The following LINGO1 variants were observed in gnomAD, a reference collection of about 807,000 sequenced individuals.
The protein encoded by LINGO1 is leucine-rich repeat and immunoglobulin-like domain-containing nogo receptor-interacting protein 1.
A neutral mutation model predicts 37.3 loss-of-function variants in LINGO1; 11 were observed. That is an observed-to-expected ratio of 0.29 (90% CI 0.19 to 0.49). LINGO1 has a LOEUF of 0.49. LINGO1 is among the 20% of genes least tolerant of loss of function. LINGO1 has a pLI of 0.99. For missense variants in LINGO1, 585 were observed against 878.2 expected (o/e 0.67, Z 4.22); for synonymous variants, 387 against 403.0 (o/e 0.96, Z 0.48).
At chr15:77,751,179 C>T (rs1425791982) in intron 1 of LINGO1, among the ~76,000 whole-genome samples, 1 of 151,778 alleles carries the variant, frequency 6.6e-6, no homozygotes, top group Non-Finnish European at 1.5e-5. Flanking sequence ...TTTACTCATG[C>T]TATGCCCTCA....
intron 3 of LINGO1, among the ~76,000 whole-genome samples, chr15:77,654,352 G>A (rs2074823927): frequency 6.6e-6 from 1 of 152,188 alleles, no homozygotes; most frequent in South Asian, 2.1e-4. Context: ...GCTCAGAAAG[G>A]TCCAGAAATT....
At chr15:77,643,779 G>T (rs1407180809) in intron 3 of LINGO1, among the ~76,000 whole-genome samples, 1 of 152,206 alleles carries the variant, frequency 6.6e-6, no homozygotes, top group African/African-American at 2.4e-5. Context: ...CCCGAGTCTG[G>T]TGCCACCTCC....
intron 1 of LINGO1, among the ~76,000 whole-genome samples, chr15:77,759,227 C>T (rs2076450563): frequency 6.6e-6 from 1 of 152,232 alleles, no homozygotes; most frequent in Admixed American, 6.5e-5. Flanking sequence ...CTTCCCCTTC[C>T]TTCACTGGCC....
chr15:77,643,291 C>G lies in LINGO1; in HGVS notation c.-12-27391G>C, dbSNP rs1011039826. ...GTGTGGGCTGGACTAGGCAGGAGAG[C>G]AGGGCTGTCCACAGGATCAGGGGAG... On this transcript the variant is annotated intron_variant, in intron 3 of 3. Coordinates refer to the LINGO1 transcript ENST00000559893. 3.3e-5 allele frequency among the ~76,000 whole-genome samples: 5 copies of G among 152,182 alleles called. No individual in the cohort carries two copies. The East Asian group carries it at 7.7e-4, about 24-fold the overall frequency.
At chr15:77,740,457 T>A (rs2076251664) in intron 1 of LINGO1, among the ~76,000 whole-genome samples, 1 of 152,144 alleles carries the variant, frequency 6.6e-6, no homozygotes, top group Non-Finnish European at 1.5e-5. Flanking sequence ...GTTGCCTCAG[T>A]GGCTCCACGC....
chr15:77,629,356 C>T (rs532845647), intron 1 of LINGO1, among the ~76,000 whole-genome samples: 3 of 152,174 alleles, frequency 2.0e-5, no homozygotes, highest in South Asian at 4.1e-4. Context: ...ATCAAGAATG[C>T]CTTAAATGTA....
chr15:77,633,641 C>T (rs1428714305), upstream of LINGO1, among the ~76,000 whole-genome samples: 1 of 152,208 alleles, frequency 6.6e-6, no homozygotes, highest in African/African-American at 2.4e-5. Context: ...TGGCCCGCTC[C>T]GTCCGGAGGC....
intron 1 of LINGO1, among the ~76,000 whole-genome samples, chr15:77,762,787 C>T (rs2076490336): frequency 6.6e-6 from 1 of 152,186 alleles, no homozygotes; most frequent in Non-Finnish European, 1.5e-5. Context: ...ACCACTTCCT[C>T]TTTGGGACCA....
At chr15:77,811,383 C>T (rs2077004748) in intron 1 of LINGO1, among the ~76,000 whole-genome samples, 1 of 152,198 alleles carries the variant, frequency 6.6e-6, no homozygotes, top group South Asian at 2.1e-4. Flanking sequence ...CAGCCTAAGC[C>T]AGAGGAACCT....
At chr15:77,784,923 C>G (rs2076756459) in intron 1 of LINGO1, 1 of 152,216 alleles carries the variant, frequency 6.6e-6, no homozygotes, top group South Asian at 2.1e-4. Context: ...AGACTGCATA[C>G]TTGGGTATAG....
At chr15:77,805,493 G>C (rs1484957875) in intron 1 of LINGO1, among the ~76,000 whole-genome samples, 1 of 152,228 alleles carries the variant, frequency 6.6e-6, no homozygotes, top group Non-Finnish European at 1.5e-5. Context: ...GCCTAGCTGG[G>C]CCTGCCGTGG....
chr15:77,635,506 G>T (rs896286401), upstream of LINGO1, among the ~76,000 whole-genome samples: 1 of 152,094 alleles, frequency 6.6e-6, no homozygotes, highest in Non-Finnish European at 1.5e-5. Flanking sequence ...TCCTCTCAGG[G>T]GTCCCAGGGC....
intron 1 of LINGO1, among the ~76,000 whole-genome samples, chr15:77,811,287 G>C (rs1051978600): frequency 6.6e-6 from 1 of 152,148 alleles, no homozygotes; most frequent in African/African-American, 2.4e-5. Context: ...TTTTCCTGAC[G>C]CTGCAGTTCC....
chr15:77,691,498 C>G (rs2141251169), intron 1 of LINGO1, among the ~76,000 whole-genome samples: 1 of 112,730 alleles, frequency 8.9e-6, no homozygotes, highest in Middle Eastern at 4.9e-3. Flanking sequence ...AGGGATGTCC[C>G]TGGGGAAGGG....
upstream of LINGO1, among the ~76,000 whole-genome samples, chr15:77,697,246 AT>A (rs1318526641): frequency 6.6e-6 from 1 of 152,170 alleles, no homozygotes; most frequent in East Asian, 1.9e-4. Flanking sequence ...GTGTCAGATG[AT>A]GGTGGCAGGG....
chr15:77,728,854 A>C (rs187307684), intron 2 of LINGO1, among the ~76,000 whole-genome samples: 44 of 152,390 alleles, frequency 2.9e-4, no homozygotes, highest in Middle Eastern at 6.8e-3. Flanking sequence ...GATTAAATAA[A>C]TAACTATTTG....
intron 1 of LINGO1, among the ~76,000 whole-genome samples, chr15:77,774,175 TAGAGG>T (rs2076613573): frequency 6.6e-6 from 1 of 152,052 alleles, no homozygotes; most frequent in African/African-American, 2.4e-5. Context: ...GGGCACAGCC[TAGAGG>T]GTGGTGAGTG....
intron 2 of LINGO1, among the ~76,000 whole-genome samples, chr15:77,718,893 G>A (rs769890746): frequency 2.0e-5 from 3 of 150,740 alleles, no homozygotes; most frequent in Non-Finnish European, 3.0e-5. Flanking sequence ...GTGGTAGGGC[G>A]AGAAGAAGCT....
upstream of LINGO1, among the ~76,000 whole-genome samples, chr15:77,697,398 G>C (rs1462015608): frequency 1.3e-5 from 2 of 152,166 alleles, no homozygotes; most frequent in African/African-American, 4.8e-5. Flanking sequence ...CTGTTGCAGG[G>C]CCTGCGGGTG....
Sources: allele counts gnomAD v4.1 joint callset (sites outside exome capture counted in the v4.1 genomes callset), GRCh38; gene constraint gnomAD v4.1.1; transcripts MANE v1.5; gene names NCBI Gene and HGNC (gene_info 2026-07-23, HGNC 2026-07-21).